TOX: variants seen among roughly 807,000 people sequenced by gnomAD.
TOX encodes thymocyte selection-associated high mobility group box protein TOX.
TOX carries 11 observed loss-of-function variants against 53.7 expected under a neutral mutation model. The observed-to-expected ratio is 0.20, with a 90% CI of 0.13 to 0.34. The LOEUF (loss-of-function observed/expected upper bound fraction) is 0.34, where lower values mean the gene tolerates loss of function less well. Ranked by LOEUF, TOX falls within the 10% of genes least tolerant of loss-of-function variation. The probability of loss-of-function intolerance (pLI) is 1.00; values close to 1 mark genes in which losing one functional copy is unlikely to be tolerated. For synonymous variants in TOX, 225 were observed against 245.3 expected (o/e 0.92, Z 0.77); for missense variants, 570 against 664.6 (o/e 0.86, Z 1.56).
chr8:58,852,408 T>C (rs547315176), intron 3 of TOX, among the ~76,000 whole-genome samples: 1 of 152,282 alleles, frequency 6.6e-6, no homozygotes, highest in East Asian at 1.9e-4. Flanking sequence ...TAATTGACTA[T>C]TGAAATGACT....
At chr8:59,040,526 T>TA (rs1452649998) in intron 1 of TOX, among the ~76,000 whole-genome samples, 1 of 152,204 alleles carries the variant, frequency 6.6e-6, no homozygotes, top group African/African-American at 2.4e-5. Context: ...TATTCTGTGC[T>TA]AAAGGCACTA....
At chr8:59,105,039 T>G (rs1055016459) in intron 1 of TOX, among the ~76,000 whole-genome samples, 1 of 152,226 alleles carries the variant, frequency 6.6e-6, no homozygotes, top group African/African-American at 2.4e-5. Context: ...GTTCAAAAAA[T>G]GCTTTTCAAT....
At chr8:59,103,378 C>A (rs910509510) in intron 1 of TOX, among the ~76,000 whole-genome samples, 5 of 152,072 alleles carry the variant, frequency 3.3e-5, no homozygotes, top group Admixed American at 6.6e-5. Flanking sequence ...TTGTGTCATG[C>A]GTCTCCTAGG....
intron 1 of TOX, among the ~76,000 whole-genome samples, chr8:59,112,280 A>G (rs1036105186): frequency 2.0e-5 from 3 of 152,244 alleles, no homozygotes; most frequent in African/African-American, 7.2e-5. Context: ...GGTTAATGTG[A>G]ATTCCATGTC....
At chr8:58,809,828 G>C (rs894545319) in intron 7 of TOX, among the ~76,000 whole-genome samples, 2 of 152,348 alleles carry the variant, frequency 1.3e-5, no homozygotes, top group East Asian at 1.9e-4. Context: ...CTTGAGATCA[G>C]AGAGTGTTTC....
intron 1 of TOX, among the ~76,000 whole-genome samples, chr8:59,038,993 A>C (rs1331991732): frequency 6.6e-6 from 1 of 152,228 alleles, no homozygotes; most frequent in Non-Finnish European, 1.5e-5. Flanking sequence ...CTTTGGCCTC[A>C]GGCAAAGGCA....
chr8:59,096,809 T>C (rs187117149), intron 1 of TOX, among the ~76,000 whole-genome samples: 1 of 152,234 alleles, frequency 6.6e-6, no homozygotes, highest in African/African-American at 2.4e-5. Context: ...CCATCATCTC[T>C]TTCTGTGAAA....
intron 1 of TOX, among the ~76,000 whole-genome samples, chr8:59,055,902 A>T (rs1803880658): frequency 6.6e-6 from 1 of 152,170 alleles, no homozygotes; most frequent in Non-Finnish European, 1.5e-5. Context: ...GACTACAGGG[A>T]GAACATCTCA....
intron 1 of TOX, among the ~76,000 whole-genome samples, chr8:59,037,791 G>A (rs1366801701): frequency 1.6e-5 from 2 of 124,592 alleles, no homozygotes; most frequent in African/African-American, 3.4e-5. Context: ...AACAGAGCGA[G>A]ACTCCATCTC....
intron 7 of TOX, among the ~76,000 whole-genome samples, chr8:58,809,290 G>C (rs1322848540): frequency 6.6e-6 from 1 of 152,138 alleles, no homozygotes; most frequent in Non-Finnish European, 1.5e-5. Flanking sequence ...AGCTTTTGAA[G>C]CCATAATATT....
chr8:58,898,000 A>G (rs1253792159), intron 3 of TOX, among the ~76,000 whole-genome samples: 1 of 152,228 alleles, frequency 6.6e-6, no homozygotes, highest in Non-Finnish European at 1.5e-5. Flanking sequence ...TCTAAACTAT[A>G]GCAATATCAT....
chr8:59,098,773 T>A (rs974705640), intron 1 of TOX, among the ~76,000 whole-genome samples: 1 of 152,218 alleles, frequency 6.6e-6, no homozygotes, highest in Non-Finnish European at 1.5e-5. Context: ...TCCTGTAGCA[T>A]CCTCCTTGAC....
intron 4 of TOX, among the ~76,000 whole-genome samples, chr8:58,842,743 G>C (rs544512459): frequency 1.3e-5 from 2 of 152,292 alleles, no homozygotes; most frequent in African/African-American, 2.4e-5. Flanking sequence ...ACTTGTTACT[G>C]CCAGTAAGAG....
intron 1 of TOX, among the ~76,000 whole-genome samples, chr8:59,030,177 C>G (rs1289723151): frequency 1.3e-5 from 2 of 152,176 alleles, no homozygotes; most frequent in African/African-American, 4.8e-5. Flanking sequence ...GCTTATTTCT[C>G]TAAACTGTCT....
chr8:58,816,450 T>C (rs1810180044), intron 6 of TOX, among the ~76,000 whole-genome samples: 1 of 152,208 alleles, frequency 6.6e-6, no homozygotes, highest in South Asian at 2.1e-4. Flanking sequence ...GATCATTTCC[T>C]AATAATATTT....
At chr8:58,838,407 TTC>T (rs1459668187) in intron 4 of TOX, 96 bp from the exon 5 acceptor site, 9 of 919,082 alleles carry the variant, frequency 9.8e-6, no homozygotes, top group Non-Finnish European at 1.3e-5. Flanking sequence ...CACATACCCA[TTC>T]ACATCACTCA....
intron 3 of TOX, among the ~76,000 whole-genome samples, chr8:58,934,088 G>T (rs1319060330): frequency 6.6e-6 from 1 of 152,172 alleles, no homozygotes; most frequent in Non-Finnish European, 1.5e-5. Flanking sequence ...TGCATATTGG[G>T]TCATGAATGA....
intron 1 of TOX, among the ~76,000 whole-genome samples, chr8:59,055,364 G>C (rs1424928317): frequency 6.6e-6 from 1 of 152,136 alleles, no homozygotes; most frequent in African/African-American, 2.4e-5. Flanking sequence ...TCTCATGTTT[G>C]AGCTTGTGAA....
intron 1 of TOX, among the ~76,000 whole-genome samples, chr8:59,059,421 T>A (rs549083614): frequency 2.0e-5 from 3 of 151,216 alleles, no homozygotes; most frequent in African/African-American, 7.3e-5. Context: ...ACTCTTTAAA[T>A]TTTTTTTTAA....
Sources: allele counts gnomAD v4.1 joint callset (sites outside exome capture counted in the v4.1 genomes callset), GRCh38; gene constraint gnomAD v4.1.1; transcripts MANE v1.5; gene names NCBI Gene and HGNC (gene_info 2026-07-23, HGNC 2026-07-21).